MAD1L1: variants seen among roughly 807,000 people sequenced by gnomAD.
MAD1L1 encodes the protein mitotic arrest deficient 1 like 1.
A neutral mutation model predicts 96.9 loss-of-function variants in MAD1L1; 95 were observed. The observed-to-expected ratio is 0.98, with a 90% CI of 0.83 to 1.16. The LOEUF (loss-of-function observed/expected upper bound fraction) is 1.16, where lower values mean the gene tolerates loss of function less well. Ranked by LOEUF, MAD1L1 falls within the 50% of genes most tolerant of loss-of-function variation. The pLI is 0.00. For missense variants in MAD1L1, 1,007 were observed against 954.4 expected (o/e 1.06, Z -0.73); for synonymous variants, 473 against 396.6 (o/e 1.19, Z -2.29).
intron 12 of MAD1L1, among the ~76,000 whole-genome samples, chr7:2,047,160 C>A (rs995636704): frequency 6.6e-6 from 1 of 152,174 alleles, no homozygotes. Context: ...CTCCGTTCAC[C>A]CCAGCTCCCC....
chr7:1,964,226 C>A (rs550466775), intron 15 of MAD1L1, among the ~76,000 whole-genome samples: 1 of 152,300 alleles, frequency 6.6e-6, no homozygotes, highest in East Asian at 1.9e-4. Flanking sequence ...CGAGAAGCTG[C>A]CTTCTGCAGG....
intron 18 of MAD1L1, among the ~76,000 whole-genome samples, chr7:1,883,542 C>A (rs779132811): frequency 7.2e-5 from 11 of 152,222 alleles, no homozygotes; most frequent in Non-Finnish European, 1.5e-4. Flanking sequence ...GTCCCGGAGA[C>A]CCTCGCTGAC....
At chr7:1,838,517 GC>G (rs1453451150) in intron 18 of MAD1L1, 2 of 333,454 alleles carry the variant, frequency 6.0e-6, no homozygotes, top group Non-Finnish European at 1.2e-5. Flanking sequence ...TGGAGCGTCA[GC>G]ACGTGGTCCA....
chr7:1,882,831 G>A (rs1583645244), intron 18 of MAD1L1, among the ~76,000 whole-genome samples: 1 of 152,236 alleles, frequency 6.6e-6, no homozygotes, highest in East Asian at 1.9e-4. Context: ...GGTCGGTGCT[G>A]AGGTGAGAAG....
intron 11 of MAD1L1, among the ~76,000 whole-genome samples, chr7:2,090,337 G>A (rs944931283): frequency 2.0e-5 from 3 of 152,212 alleles, no homozygotes; most frequent in Admixed American, 2.0e-4. Context: ...CAAGCGTCCT[G>A]AACACTTCAA....
At chr7:1,871,864 A>G (rs1027510624) in intron 18 of MAD1L1, among the ~76,000 whole-genome samples, 1 of 152,160 alleles carries the variant, frequency 6.6e-6, no homozygotes, top group Non-Finnish European at 1.5e-5. Flanking sequence ...TGGAGGGGAC[A>G]TGGAGGGGAC....
chr7:1,964,436 G>A (rs1253990137), intron 15 of MAD1L1, among the ~76,000 whole-genome samples: 1 of 152,232 alleles, frequency 6.6e-6, no homozygotes, highest in Non-Finnish European at 1.5e-5. Context: ...GCTCATTTGT[G>A]CACCGAAGGG....
intron 18 of MAD1L1, among the ~76,000 whole-genome samples, chr7:1,889,871 T>A (rs1250018683): frequency 2.0e-5 from 3 of 152,098 alleles, no homozygotes; most frequent in African/African-American, 4.8e-5. Context: ...CCCATGAGAC[T>A]CCAAAGCTCA....
At chr7:1,903,253 G>A (rs1223262235) in intron 17 of MAD1L1, among the ~76,000 whole-genome samples, 1 of 151,348 alleles carries the variant, frequency 6.6e-6, no homozygotes, top group African/African-American at 2.4e-5. Flanking sequence ...GGACGCAGTG[G>A]CCTACGGAAG....
At chr7:2,005,766 A>C (rs1405530526) in intron 13 of MAD1L1, among the ~76,000 whole-genome samples, 1 of 152,202 alleles carries the variant, frequency 6.6e-6, no homozygotes, top group African/African-American at 2.4e-5. Flanking sequence ...GGGCCACTGC[A>C]CTTCAGCCTG....
chr7:1,920,359 T>C (rs1317092510), intron 17 of MAD1L1, among the ~76,000 whole-genome samples: 1 of 152,114 alleles, frequency 6.6e-6, no homozygotes. Flanking sequence ...GCAGCGACAG[T>C]GTGTGGGAGG....
At chr7:2,158,023 T>C (rs1158591887) in intron 10 of MAD1L1, among the ~76,000 whole-genome samples, 7 of 152,230 alleles carry the variant, frequency 4.6e-5, no homozygotes, top group Non-Finnish European at 1.0e-4. Context: ...AGCTCGGAGA[T>C]GACACGGCAG....
chr7:2,084,723 C>T (rs1562671490), intron 11 of MAD1L1, among the ~76,000 whole-genome samples: 2 of 152,168 alleles, frequency 1.3e-5, no homozygotes, highest in African/African-American at 4.8e-5. Flanking sequence ...TCTCCTGGAA[C>T]GTCCTGATGT....
intron 3 of MAD1L1, among the ~76,000 whole-genome samples, chr7:2,227,037 T>C (rs1420657003): frequency 1.3e-5 from 2 of 148,896 alleles, no homozygotes; most frequent in Non-Finnish European, 3.0e-5. Flanking sequence ...CTCACGTCTG[T>C]AATCCCAGCA....
intron 16 of MAD1L1, among the ~76,000 whole-genome samples, chr7:1,955,859 T>C (rs916577092): frequency 1.3e-5 from 2 of 152,126 alleles, no homozygotes; most frequent in African/African-American, 2.4e-5. Context: ...TCTTCAGTTA[T>C]TTGACTTGTG....
intron 18 of MAD1L1, among the ~76,000 whole-genome samples, chr7:1,883,360 C>T (rs1289645815): frequency 2.0e-5 from 3 of 152,214 alleles, no homozygotes; most frequent in Non-Finnish European, 2.9e-5. Context: ...TAACACCAAA[C>T]TGTGACTCAC....
chr7:2,104,469 A>C (rs1056009136), intron 11 of MAD1L1, among the ~76,000 whole-genome samples: 2 of 151,632 alleles, frequency 1.3e-5, no homozygotes, highest in Non-Finnish European at 2.9e-5. Flanking sequence ...TGGTGCCTAC[A>C]GGGGGCGGCT....
At position 1,942,361 on chromosome 7, in the gene MAD1L1, C is replaced by T. The variant is rs548561248; in HGVS notation, c.1597-5464G>A. On this transcript the variant is annotated intron_variant, in intron 16 of 18. Coordinates refer to ENST00000265854, the MANE Select transcript of MAD1L1 (RefSeq NM_001013836.2). Reference sequence around the variant, plus strand: ...CGTGCCCCAAGGTGGCTGGGGGCGACAGCCAAACTTCCAGCCTGCTGCTGT... The same window carrying T: ...CGTGCCCCAAGGTGGCTGGGGGCGATAGCCAAACTTCCAGCCTGCTGCTGT... Among the ~76,000 whole-genome samples the T allele has an allele frequency of 2.6e-5, 4 of 152,352 alleles. No individual in the cohort carries two copies. In the East Asian group the frequency reaches 7.7e-4, roughly 29 times the overall value.
At chr7:2,049,773 AG>A (rs1207494959) in intron 12 of MAD1L1, among the ~76,000 whole-genome samples, 1 of 151,976 alleles carries the variant, frequency 6.6e-6, no homozygotes, top group Non-Finnish European at 1.5e-5. Flanking sequence ...CAATGTCTGC[AG>A]GCACCAGACC....
Sources: gnomAD v4.1 joint callset for allele counts (sites outside exome capture counted in the v4.1 genomes callset) on GRCh38, gnomAD v4.1.1 for gene constraint, MANE v1.5 for transcripts, NCBI Gene and HGNC (gene_info 2026-07-23, HGNC 2026-07-21) for gene names.